TMEM108: variants seen among roughly 807,000 people sequenced by gnomAD.
The protein encoded by TMEM108 is cancer/testis antigen 124.
TMEM108 carries 12 observed loss-of-function variants against 35.1 expected under a neutral mutation model. The ratio of observed to expected loss-of-function variants is 0.34; its 90% CI spans 0.22 to 0.55. The LOEUF is 0.55. Among genes scored for constraint, TMEM108 ranks in the 20% least tolerant of loss-of-function variants. The probability of loss-of-function intolerance (pLI) is 0.89; values close to 1 mark genes in which losing one functional copy is unlikely to be tolerated. For missense variants in TMEM108, 680 were observed against 753.3 expected (o/e 0.90, Z 1.14); for synonymous variants, 287 against 308.6 (o/e 0.93, Z 0.73).
At chr3:133,244,876 C>T (rs1184339886) in intron 3 of TMEM108, among the ~76,000 whole-genome samples, 1 of 152,132 alleles carries the variant, frequency 6.6e-6, no homozygotes, top group Non-Finnish European at 1.5e-5. Context: ...GGAAAACATT[C>T]TTGTGTGTAC....
chr3:133,381,378 C>T (rs1277780273), intron 4 of TMEM108, among the ~76,000 whole-genome samples: 1 of 152,210 alleles, frequency 6.6e-6, no homozygotes, highest in Admixed American at 6.5e-5. Context: ...GTCACAACTC[C>T]CAGGAGCTGG....
At chr3:133,261,636 T>C (rs1946623674) in intron 3 of TMEM108, among the ~76,000 whole-genome samples, 1 of 152,234 alleles carries the variant, frequency 6.6e-6, no homozygotes, top group Non-Finnish European at 1.5e-5. Flanking sequence ...ACTGCATTAA[T>C]TTATCATTGA....
intron 3 of TMEM108, among the ~76,000 whole-genome samples, chr3:133,356,264 A>AGGTATAT (rs373490760): frequency 0.32 from 48,510 of 151,808 alleles, 8,450 homozygotes; most frequent in East Asian, 0.47. Context: ...ATACTTAACC[A>AGGTATAT]AGGAGGTGAA....
intron 3 of TMEM108, chr3:133,246,404 T>C (rs1483523637): frequency 2.6e-5 from 4 of 152,096 alleles, no homozygotes; most frequent in African/African-American, 7.2e-5. Flanking sequence ...TTTTTGGCCA[T>C]TGTGTTAAGA....
At chr3:133,392,628 T>C (rs1375417637) in intron 5 of TMEM108, among the ~76,000 whole-genome samples, 3 of 152,130 alleles carry the variant, frequency 2.0e-5, no homozygotes, top group African/African-American at 7.2e-5. Context: ...ACACCCAAGA[T>C]TGAACCCTTG....
chr3:133,394,732 A>G (rs2073281132), intron 5 of TMEM108, among the ~76,000 whole-genome samples: 1 of 152,266 alleles, frequency 6.6e-6, no homozygotes, highest in Non-Finnish European at 1.5e-5. Context: ...GTGTTGAACT[A>G]ATTCCAGACA....
chr3:133,310,947 G>T (rs972724892), intron 3 of TMEM108, among the ~76,000 whole-genome samples: 6 of 152,164 alleles, frequency 3.9e-5, no homozygotes, highest in Admixed American at 3.3e-4. Context: ...ACATTTGCTT[G>T]TCTGTAAAGG....
rs1271723193 is a variant in TMEM108 at position 133,397,238 on chromosome 3, C to A, written c.*1252C>A. 1 of 152,196 alleles carries A rather than the reference C, an allele frequency of 6.6e-6. No homozygotes were observed. The highest frequency in any genetic ancestry group is 1.9e-4 in the East Asian group (1 of 5,200). The allele number at this position is 152,196 out of a possible 1,614,324, so 9.4% of individuals were successfully genotyped here. Reference sequence around the variant, plus strand: ...CTGAGAGAGATGATTACTGCTTTGACACTTCCTTTCTCTAAAAGAAAAATA... The same window carrying A: ...CTGAGAGAGATGATTACTGCTTTGAAACTTCCTTTCTCTAAAAGAAAAATA... On this transcript the variant is annotated 3_prime_UTR_variant, in exon 6 of 6. Transcript: ENST00000321871.
At chr3:133,187,861 C>T (rs1945442548) in intron 2 of TMEM108, among the ~76,000 whole-genome samples, 1 of 124,620 alleles carries the variant, frequency 8.0e-6, no homozygotes, top group African/African-American at 3.1e-5. Flanking sequence ...AAACTTTATG[C>T]ATATCAGAGT....
At position 133,139,287 on chromosome 3, in the gene TMEM108, AT is replaced by A. The variant is rs1944608817; in HGVS notation, c.-46-89977del. 3.3e-5 allele frequency among the ~76,000 whole-genome samples: 5 copies of A among 152,300 alleles called. No individual in the cohort carries two copies. In the East Asian group the frequency reaches 9.7e-4, roughly 29 times the overall value. On this transcript the variant is annotated intron_variant, in intron 2 of 5. Coordinates refer to ENST00000321871, the MANE Select transcript of TMEM108 (RefSeq NM_023943.4). ...CTTTGGATATATACCCAGTAATGGG[AT>A]TGCTGGGTCAATCTATCTATCTGAC...
At chr3:133,062,548 A>G (rs1480076070) in intron 2 of TMEM108, among the ~76,000 whole-genome samples, 1 of 152,216 alleles carries the variant, frequency 6.6e-6, no homozygotes, top group Non-Finnish European at 1.5e-5. Context: ...AATCTCTGGA[A>G]ACATTCTAAC....
At chr3:133,314,083 G>A (rs1330215212) in intron 3 of TMEM108, among the ~76,000 whole-genome samples, 2 of 152,026 alleles carry the variant, frequency 1.3e-5, no homozygotes, top group Non-Finnish European at 2.9e-5. Flanking sequence ...TGCCATGCTT[G>A]TTCATGAATA....
intron 2 of TMEM108, among the ~76,000 whole-genome samples, chr3:133,182,409 C>T (rs553501955): frequency 1.3e-4 from 20 of 152,164 alleles, no homozygotes; most frequent in African/African-American, 4.3e-4. Context: ...CAGAGAAAGC[C>T]GCCTGAGATT....
At chr3:133,376,141 A>G (rs571478662) in intron 3 of TMEM108, among the ~76,000 whole-genome samples, 7 of 152,370 alleles carry the variant, frequency 4.6e-5, no homozygotes, top group African/African-American at 1.7e-4. Context: ...ATCTTACAGC[A>G]CCAAGGATTC....
intron 3 of TMEM108, among the ~76,000 whole-genome samples, chr3:133,377,805 C>T (rs1576526541): frequency 4.2e-5 from 1 of 24,076 alleles, no homozygotes; most frequent in African/African-American, 1.6e-4. Context: ...GCATCACCAC[C>T]GGAGCATCAC....
chr3:133,209,057 C>G (rs1945798988), intron 2 of TMEM108, among the ~76,000 whole-genome samples: 1 of 152,064 alleles, frequency 6.6e-6, no homozygotes, highest in Non-Finnish European at 1.5e-5. Flanking sequence ...AAGGGTAAGG[C>G]TTTTAAGAGA....
chr3:133,124,222 A>T (rs918529142), intron 2 of TMEM108, among the ~76,000 whole-genome samples: 7 of 152,210 alleles, frequency 4.6e-5, no homozygotes, highest in African/African-American at 1.7e-4. Context: ...TTGTTTCCTG[A>T]TACCAAAATA....
At chr3:133,055,429 C>G (rs912981903) in intron 2 of TMEM108, among the ~76,000 whole-genome samples, 1 of 152,238 alleles carries the variant, frequency 6.6e-6, no homozygotes, top group Non-Finnish European at 1.5e-5. Flanking sequence ...CATCTGCTCT[C>G]TCCAGGGTAT....
chr3:133,175,256 G>T (rs1945200219), intron 2 of TMEM108, among the ~76,000 whole-genome samples: 1 of 152,180 alleles, frequency 6.6e-6, no homozygotes, highest in Non-Finnish European at 1.5e-5. Context: ...CACTCTGCAG[G>T]ATATTATCCA....
Sources: allele counts gnomAD v4.1 joint callset (sites outside exome capture counted in the v4.1 genomes callset), GRCh38; gene constraint gnomAD v4.1.1; transcripts MANE v1.5; gene names NCBI Gene and HGNC (gene_info 2026-07-23, HGNC 2026-07-21).